The following MICAL2 variants were observed in gnomAD, a reference collection of about 807,000 sequenced individuals.
The protein encoded by MICAL2 is [F-actin]-monooxygenase MICAL2.
MICAL2 carries 77 observed loss-of-function variants against 127.3 expected under a neutral mutation model. That is an observed-to-expected ratio of 0.60 (90% CI 0.50 to 0.73). MICAL2 has a LOEUF of 0.73. Ranked by LOEUF, MICAL2 falls within the 30% of genes least tolerant of loss-of-function variation. The probability of loss-of-function intolerance (pLI) is 0.00; values close to 1 mark genes in which losing one functional copy is unlikely to be tolerated. For missense variants in MICAL2, 1,351 were observed against 1,434.4 expected (o/e 0.94, Z 0.94); for synonymous variants, 570 against 551.1 (o/e 1.03, Z -0.48).
At chr11:12,316,009 G>T (rs1161915547) in intron 29 of MICAL2, among the ~76,000 whole-genome samples, 1 of 151,880 alleles carries the variant, frequency 6.6e-6, no homozygotes, top group African/African-American at 2.4e-5. Flanking sequence ...TTTCTTGATA[G>T]GTTTACCTTT....
At chr11:12,361,689 G>A (rs1243064442), downstream of MICAL2, among the ~76,000 whole-genome samples, 1 of 152,178 alleles carries the variant, frequency 6.6e-6, no homozygotes, top group African/African-American at 2.4e-5. Context: ...TTCCAACCCT[G>A]ATGAGCTGCA....
In MICAL2 at chr11:12,226,353, C is replaced by T; in HGVS notation, c.1871C>T (p.Thr624Ile). 1 of 1,614,050 alleles carries T rather than the reference C, an allele frequency of 6.2e-7. No homozygotes were observed. Among genetic ancestry groups the T allele is most frequent in the Non-Finnish European group, 8.5e-7 (1 of 1,179,970 alleles). Residue 624 changes from threonine (T) to isoleucine (I), a missense_variant, in exon 14 of 28, where the codon ACC becomes ATC. Physicochemically the swap from Thr to Ile is moderately conservative, Grantham distance 89. Transcript: ENST00000683283. Reference sequence around the variant, plus strand: ...AAGTTCTACGAGCTCTTCCGGGGCACCCCACTGAGGCCCGTGGGTAAGCAC... The same window carrying T: ...AAGTTCTACGAGCTCTTCCGGGGCATCCCACTGAGGCCCGTGGGTAAGCAC... Reference protein sequence around the residue: ...LSKFYELFRGTPLRPVDSWRK... With the variant: ...LSKFYELFRGIPLRPVDSWRK...
At chr11:12,144,710 A>G (rs139576403) in intron 2 of MICAL2, among the ~76,000 whole-genome samples, 153 of 152,306 alleles carry the variant, frequency 1.0e-3, no homozygotes, top group Middle Eastern at 3.4e-3. Flanking sequence ...AGGGAGGTGA[A>G]ATACAACCTG....
At chr11:12,353,643 G>A (rs1939087657) in intron 33 of MICAL2, among the ~76,000 whole-genome samples, 1 of 152,080 alleles carries the variant, frequency 6.6e-6, no homozygotes, top group Non-Finnish European at 1.5e-5. Flanking sequence ...TCTCAATGGG[G>A]CATCCCCTGG....
At chr11:12,257,965 A>G (rs1173866684) in intron 24 of MICAL2, among the ~76,000 whole-genome samples, 1 of 152,140 alleles carries the variant, frequency 6.6e-6, no homozygotes, top group East Asian at 1.9e-4. Flanking sequence ...GTATTCCACA[A>G]AGAAAGACTG....
chr11:12,245,616 A>T (rs1424178614), intron 21 of MICAL2, among the ~76,000 whole-genome samples: 1 of 152,352 alleles, frequency 6.6e-6, no homozygotes, highest in South Asian at 2.1e-4. Context: ...AGCCATGGTC[A>T]GCATATCAAG....
intron 29 of MICAL2, chr11:12,319,584 G>A: frequency 1.3e-6 from 1 of 760,372 alleles, no homozygotes; most frequent in South Asian, 1.7e-5. Flanking sequence ...AGTGAGGGGA[G>A]GGCAGGGAGG....
At chr11:12,241,013 T>C (rs776588337) in intron 17 of MICAL2, 27 bp from the exon 18 acceptor site, 13 of 1,611,428 alleles carry the variant, frequency 8.1e-6, no homozygotes, top group Non-Finnish European at 1.0e-5. Flanking sequence ...TGTGGCTGCT[T>C]TTTTGGACTC....
rs751910528 is a variant in MICAL2 at position 12,318,608 on chromosome 11, G to A, written c.5213-1088G>A. ...CGTGGAGGTGCTTCTCCTTTCCCCC[G>A]ACCCAACACCTATTTCTATTCAGAC... On this transcript the variant is annotated intron_variant, in intron 29 of 34. Coordinates refer to the MICAL2 transcript ENST00000646065. Among the ~76,000 whole-genome samples the A allele has an allele frequency of 4.6e-5, 7 of 152,030 alleles. No homozygotes were observed. In the East Asian group the frequency reaches 1.2e-3, roughly 25 times the overall value.
At chr11:12,187,491 G>A (rs1445744791) in intron 3 of MICAL2, among the ~76,000 whole-genome samples, 6 of 152,192 alleles carry the variant, frequency 3.9e-5, no homozygotes, top group South Asian at 2.1e-4. Context: ...TCCAGACAGC[G>A]GCAGGCCCTG....
intron 1 of MICAL2, among the ~76,000 whole-genome samples, chr11:12,127,750 A>C (rs1463059475): frequency 6.6e-6 from 1 of 152,036 alleles, no homozygotes; most frequent in Non-Finnish European, 1.5e-5. Context: ...GAGGAGTGAC[A>C]TGTGTGGGGA....
chr11:12,332,410 T>A (rs1442665962), intron 32 of MICAL2, among the ~76,000 whole-genome samples: 1 of 152,200 alleles, frequency 6.6e-6, no homozygotes, highest in African/African-American at 2.4e-5. Flanking sequence ...TATTATTTTG[T>A]CACATAATAT....
intron 32 of MICAL2, among the ~76,000 whole-genome samples, chr11:12,330,863 GA>G: frequency 1.1e-5 from 1 of 91,306 alleles, no homozygotes; most frequent in Non-Finnish European, 2.8e-5. Flanking sequence ...GAGAGGGGTA[GA>G]GAGAGAGAGA....
At chr11:12,255,783 G>C in intron 23 of MICAL2, 33 bp downstream of exon 23, 1 of 1,570,706 alleles carries the variant, frequency 6.4e-7, no homozygotes, top group Non-Finnish European at 8.7e-7. Flanking sequence ...TTCACCCACA[G>C]ACACTGGCTC....
chr11:12,208,031 C>T lies in MICAL2; in HGVS notation c.481C>T (p.Gln161Ter). 1.2e-6 allele frequency: 2 copies of T among 1,614,044 alleles called. No individual in the cohort carries two copies. The highest frequency in any genetic ancestry group is 1.7e-6 in the Non-Finnish European group (2 of 1,179,894). The change falls in exon 5 of 28, where the codon CAA (glutamine) becomes TAA (stop). Residue 161 changes from glutamine to a stop codon, truncating the protein, a stop_gained. Coordinates refer to ENST00000683283, the MANE Select transcript of MICAL2 (RefSeq NM_001282663.2). LOFTEE classifies it high-confidence loss of function. The part of the protein sequence containing the change: ...AGSIDHISIR[Q>*]LQLILFKVAL... ...TCCTTCCTGCCTGACAGGTATTCGC[C>T]AACTACAGCTCATCCTATTCAAGGT...
intron 18 of MICAL2, 98 bp from the exon 19 acceptor site, chr11:12,242,116 G>T: frequency 3.0e-6 from 3 of 1,009,210 alleles, no homozygotes; most frequent in Non-Finnish European, 2.8e-6. Flanking sequence ...TGCACCTGGT[G>T]CACCCTTTGT....
chr11:12,334,358 T>G (rs1938706676), intron 32 of MICAL2, among the ~76,000 whole-genome samples: 1 of 152,158 alleles, frequency 6.6e-6, no homozygotes, highest in Non-Finnish European at 1.5e-5. Context: ...ACCATGTTGT[T>G]TAGGGAATAA....
At chr11:12,172,080 C>T (rs968245951) in intron 3 of MICAL2, among the ~76,000 whole-genome samples, 12 of 152,158 alleles carry the variant, frequency 7.9e-5, no homozygotes, top group Non-Finnish European at 1.8e-4. Context: ...CAGTTTTCCT[C>T]ATGCTTGTCA....
chr11:12,186,303 A>T (rs755025419), intron 3 of MICAL2, among the ~76,000 whole-genome samples: 24 of 152,178 alleles, frequency 1.6e-4, no homozygotes, highest in Non-Finnish European at 3.2e-4. Flanking sequence ...ACAGGCTAGA[A>T]GGAACTCTCA....
Sources: allele counts gnomAD v4.1 joint callset (sites outside exome capture counted in the v4.1 genomes callset), GRCh38; gene constraint gnomAD v4.1.1; transcripts MANE v1.5; gene names NCBI Gene and HGNC (gene_info 2026-07-23, HGNC 2026-07-21).